KCNK9: variants seen among roughly 807,000 people sequenced by gnomAD.
The protein encoded by KCNK9 is potassium two pore domain channel subfamily K member 9, also known as potassium channel subfamily K member 9.
A neutral mutation model predicts 10.8 loss-of-function variants in KCNK9; 1 was observed. The observed-to-expected ratio is 0.09, with a 90% CI of 0.03 to 0.44. The LOEUF (loss-of-function observed/expected upper bound fraction) is 0.44. Among genes scored for constraint, KCNK9 ranks in the 20% least tolerant of loss-of-function variants. The probability of loss-of-function intolerance (pLI) is 0.97; values close to 1 mark genes in which losing one functional copy is unlikely to be tolerated. For synonymous variants in KCNK9, 231 were observed against 222.7 expected, an observed-to-expected ratio of 1.04 and a Z score of -0.33; for missense variants, 303 against 515.0, an observed-to-expected ratio of 0.59 and a Z score of 3.98.
At chr8:139,660,476 C>T (rs113614919) in intron 1 of KCNK9, among the ~76,000 whole-genome samples, 10,075 of 141,072 alleles carry the variant, frequency 0.071, 843 homozygotes, top group African/African-American at 0.21. Context: ...ATATATTAGC[C>T]GGGCAGTGGT....
intron 1 of KCNK9, among the ~76,000 whole-genome samples, chr8:139,654,252 CA>C (rs1429084088): frequency 6.6e-6 from 1 of 152,224 alleles, no homozygotes; most frequent in Non-Finnish European, 1.5e-5. Context: ...ACATGGAAAA[CA>C]CAAGCTGCCA....
At chr8:139,670,326 G>T (rs773071860) in intron 1 of KCNK9, among the ~76,000 whole-genome samples, 1 of 152,152 alleles carries the variant, frequency 6.6e-6, no homozygotes, top group Non-Finnish European at 1.5e-5. Context: ...ACCAAAATGA[G>T]ACGCAGAGAC....
At chr8:139,632,065 A>T (rs146088237) in intron 1 of KCNK9, among the ~76,000 whole-genome samples, 1 of 152,334 alleles carries the variant, frequency 6.6e-6, no homozygotes, top group African/African-American at 2.4e-5. Context: ...GAGGTTTGAC[A>T]GTGGAAATGA....
At chr8:139,675,662 T>C (rs903593455) in intron 1 of KCNK9, among the ~76,000 whole-genome samples, 2 of 152,178 alleles carry the variant, frequency 1.3e-5, no homozygotes, top group African/African-American at 4.8e-5. Flanking sequence ...TGACATCTTG[T>C]TATAGCAGCC....
intron 1 of KCNK9, among the ~76,000 whole-genome samples, chr8:139,646,039 C>T (rs1056243911): frequency 1.3e-5 from 2 of 152,192 alleles, no homozygotes; most frequent in South Asian, 4.1e-4. Flanking sequence ...CCCCAGGGTC[C>T]GTGCTCTCTG....
chr8:139,607,795 T>G (rs904577736), downstream of KCNK9, among the ~76,000 whole-genome samples: 4 of 152,196 alleles, frequency 2.6e-5, no homozygotes, highest in African/African-American at 9.6e-5. Context: ...ATTCCCCCAC[T>G]GAAATGTCAG....
chr8:139,664,300 C>G (rs1298649392), intron 1 of KCNK9, among the ~76,000 whole-genome samples: 1 of 152,170 alleles, frequency 6.6e-6, no homozygotes, highest in South Asian at 2.1e-4. Flanking sequence ...GAGAGCAAAC[C>G]CTGCTGGTTC....
rs1814623893 is a variant in KCNK9 at position 139,617,159 on chromosome 8, C to A, written c.*1099G>T. On this transcript the variant is annotated 3_prime_UTR_variant, in exon 2 of 2. Transcript: ENST00000520439. ...ATATGTATTTTTAATGAGGAATGCC[C>A]TGTCAATTTTCATGAGGAAAAGGAA... Among the ~76,000 whole-genome samples, 1 of 152,138 alleles carries A rather than the reference C, an allele frequency of 6.6e-6. No homozygotes were observed. Among genetic ancestry groups the A allele is most frequent in the African/African-American group, 2.4e-5 (1 of 41,418 alleles).
chr8:139,669,402 G>T (rs2129729283), intron 1 of KCNK9, among the ~76,000 whole-genome samples: 1 of 152,338 alleles, frequency 6.6e-6, no homozygotes, highest in African/African-American at 2.4e-5. Flanking sequence ...AAACCCTGCT[G>T]CTACTTCATC....
rs1464221610 is a variant in KCNK9 at position 139,702,807 on chromosome 8, C to T, written c.186G>A (p.Leu62=). The T allele has an allele frequency of 8.1e-6, 13 of 1,613,852 alleles. No individual in the cohort carries two copies. Among genetic ancestry groups the T allele is most frequent in the Non-Finnish European group, 1.1e-5 (13 of 1,180,000 alleles). Reference sequence around the variant, plus strand: ...GTTCCGACTGCAGGATCACCAGCTCCAGCTGCCGGTAGTCCTCGCTGCTGA... The same window carrying T: ...GTTCCGACTGCAGGATCACCAGCTCTAGCTGCCGGTAGTCCTCGCTGCTGA... ...YNISSEDYRQ[L]ELVILQSEPH... is the part of the protein sequence containing the mutation. Residue 62 remains leucine (L), a synonymous_variant, in exon 1 of 2, where the codon CTG becomes CTA. Coordinates refer to ENST00000520439, the MANE Select transcript of KCNK9 (RefSeq NM_001282534.2). The surrounding 1 kb of genome is among the most constrained non-coding windows in gnomAD (Gnocchi z 7.5).
intron 1 of KCNK9, among the ~76,000 whole-genome samples, chr8:139,666,316 T>A (rs967001023): frequency 8.5e-5 from 13 of 152,164 alleles, no homozygotes. Context: ...GGTAAGACAA[T>A]ATGCAATCCC....
chr8:139,679,247 C>T (rs1816631391), intron 1 of KCNK9, among the ~76,000 whole-genome samples: 1 of 152,196 alleles, frequency 6.6e-6, no homozygotes, highest in Non-Finnish European at 1.5e-5. Context: ...CGCCTGTGTC[C>T]CTGACGCACA....
chr8:139,653,743 C>T (rs1388809055), intron 1 of KCNK9, among the ~76,000 whole-genome samples: 2 of 152,238 alleles, frequency 1.3e-5, no homozygotes, highest in Non-Finnish European at 2.9e-5. Context: ...AATCGCTCTA[C>T]AAACACGAGG....
chr8:139,650,092 A>G (rs780066452), intron 1 of KCNK9, among the ~76,000 whole-genome samples: 102 of 152,312 alleles, frequency 6.7e-4, no homozygotes, highest in Admixed American at 2.0e-3. Flanking sequence ...AGTTAAGATC[A>G]TGTGGAGCCT....
intron 2 of KCNK9, among the ~76,000 whole-genome samples, chr8:139,605,876 CAAT>C (rs1346986264): frequency 3.9e-5 from 6 of 152,282 alleles, no homozygotes; most frequent in Admixed American, 6.5e-5. Flanking sequence ...TAAGCTGTGA[CAAT>C]AATAAATACC....
At chr8:139,611,976 G>C (rs1197723886), downstream of KCNK9, 1 of 152,222 alleles carries the variant, frequency 6.6e-6, no homozygotes, top group African/African-American at 2.4e-5. Flanking sequence ...TGCTGCTCCT[G>C]TGGCCGGGGC....
At chr8:139,622,985 T>C (rs137928566) in intron 1 of KCNK9, among the ~76,000 whole-genome samples, 3 of 152,346 alleles carry the variant, frequency 2.0e-5, no homozygotes, top group African/African-American at 4.8e-5. Context: ...CGCACCCATA[T>C]TCACCAGCAA....
chr8:139,616,037 A>T (rs1262949758), downstream of KCNK9: 1 of 152,146 alleles, frequency 6.6e-6, no homozygotes, highest in Non-Finnish European at 1.5e-5. Context: ...TGGGCTCCAG[A>T]CTGAGACACC....
intron 1 of KCNK9, among the ~76,000 whole-genome samples, chr8:139,636,773 GT>G (rs762915798): frequency 6.6e-6 from 1 of 152,178 alleles, no homozygotes; most frequent in Non-Finnish European, 1.5e-5. Flanking sequence ...GAAAAGAAAG[GT>G]TTATGGCATT....
Sources: allele counts gnomAD v4.1 joint callset (sites outside exome capture counted in the v4.1 genomes callset), GRCh38; gene constraint gnomAD v4.1.1; non-coding constraint Gnocchi (gnomAD v3.1); transcripts MANE v1.5; gene names NCBI Gene and HGNC (gene_info 2026-07-23, HGNC 2026-07-21).